SLC43A2: variants seen among roughly 807,000 people sequenced by gnomAD.
SLC43A2 encodes solute carrier family 43 member 2.
Under a neutral mutation model 63.2 loss-of-function variants are expected in SLC43A2, and 38 were observed. That is an observed-to-expected ratio of 0.60 (90% CI 0.46 to 0.79). The LOEUF (loss-of-function observed/expected upper bound fraction) is 0.79, where lower values mean the gene tolerates loss of function less well. Among genes scored for constraint, SLC43A2 ranks in the 30% least tolerant of loss-of-function variants. SLC43A2 has a pLI of 0.00. For synonymous variants in SLC43A2, 322 were observed against 331.0 expected (o/e 0.97, Z 0.30); for missense variants, 644 against 756.2 (o/e 0.85, Z 1.74).
chr17:1,611,091 C>A (rs1228386663), intron 5 of SLC43A2, among the ~76,000 whole-genome samples: 1 of 152,028 alleles, frequency 6.6e-6, no homozygotes, highest in Non-Finnish European at 1.5e-5. Flanking sequence ...TCCACCACCC[C>A]CATCGGCCTC....
intron 5 of SLC43A2, among the ~76,000 whole-genome samples, chr17:1,609,108 G>A (rs529583822): frequency 2.0e-4 from 30 of 152,274 alleles, no homozygotes; most frequent in Middle Eastern, 3.4e-3. Flanking sequence ...GTTTTTCATA[G>A]GATCAGAGTG....
At chr17:1,612,566 C>T (rs539690831) in intron 5 of SLC43A2, among the ~76,000 whole-genome samples, 75 of 152,322 alleles carry the variant, frequency 4.9e-4, no homozygotes, top group Middle Eastern at 3.4e-3. Flanking sequence ...TGACAGCTGC[C>T]GAGGAAAACA....
chr17:1,586,928 T>TTCCCCCCCCCC, intron 9 of SLC43A2: 3 of 1,232,916 alleles, frequency 2.4e-6, no homozygotes, highest in Non-Finnish European at 2.2e-6. Context: ...TCCCTGACAA[T>TTCCCCCCCCCC]CCCCCCCACC....
chr17:1,577,250 C>T lies in SLC43A2; in HGVS notation c.1425-530G>A, dbSNP rs759502922. On this transcript the variant is annotated intron_variant, in intron 12 of 13. Transcript: ENST00000301335. The surrounding 1 kb of genome is among the most constrained non-coding windows in gnomAD (Gnocchi z 4.9). ...AGGGCCCACCCCACTCAGCTGTGCC[C>T]AGGGCCTGTGGGTGTCTGGCTGAGC... Among the ~76,000 whole-genome samples, 1 of 152,224 alleles carries T rather than the reference C, an allele frequency of 6.6e-6. No homozygotes were observed. Among genetic ancestry groups the T allele is most frequent in the Non-Finnish European group, 1.5e-5 (1 of 68,048 alleles).
Position 1,578,277 on chromosome 17 carries a change from G to A in SLC43A2, c.1397C>T (p.Ser466Phe). Residue 466 changes from serine (S) to phenylalanine (F), a missense_variant, in exon 12 of 14, where the codon TCC becomes TTC. Ser to Phe is a radical substitution (Grantham distance 155). Transcript: ENST00000301335. This position sits in a 1 kb window ranked among gnomAD's most constrained non-coding sequence, Gnocchi z 6.5. ...LHTIVRGFIH[S>F]AVGGLYAAVY... ...GGCAGCGTACAGGCCCCCGACAGCGGAGTGGATGAATCCTCGCACGATTGT... is the reference window on the plus strand; with the variant it reads ...GGCAGCGTACAGGCCCCCGACAGCGAAGTGGATGAATCCTCGCACGATTGT... The A allele has an allele frequency of 6.2e-7, 1 of 1,614,016 alleles. No homozygotes were observed. The highest frequency in any genetic ancestry group is 8.5e-7 in the Non-Finnish European group (1 of 1,180,002).
At chr17:1,601,099 G>C (rs969190934) in intron 5 of SLC43A2, among the ~76,000 whole-genome samples, 1 of 129,198 alleles carries the variant, frequency 7.7e-6, no homozygotes, top group Non-Finnish European at 1.7e-5. Flanking sequence ...TTTGTTTTAA[G>C]TAAAATGTCA....
chr17:1,626,557 T>A (rs1281926320), intron 2 of SLC43A2, among the ~76,000 whole-genome samples: 1 of 152,170 alleles, frequency 6.6e-6, no homozygotes, highest in Non-Finnish European at 1.5e-5. Context: ...CCTCTCCAGC[T>A]AAGCCTCCCT....
intron 11 of SLC43A2, among the ~76,000 whole-genome samples, chr17:1,582,331 C>T (rs1420958851): frequency 6.6e-6 from 1 of 152,200 alleles, no homozygotes; most frequent in Non-Finnish European, 1.5e-5. Context: ...CCACCTGCCT[C>T]CACCTACCAA....
intron 11 of SLC43A2, among the ~76,000 whole-genome samples, chr17:1,580,614 T>A (rs1270272797): frequency 6.6e-6 from 1 of 152,094 alleles, no homozygotes; most frequent in Non-Finnish European, 1.5e-5. Flanking sequence ...CAGGCTGGAG[T>A]GCAGTGGTGT....
intron 5 of SLC43A2, among the ~76,000 whole-genome samples, chr17:1,607,879 C>T (rs1472051893): frequency 6.6e-6 from 1 of 152,140 alleles, no homozygotes; most frequent in Non-Finnish European, 1.5e-5. Flanking sequence ...CCACATCTGG[C>T]TAATTTTTGC....
chr17:1,591,828 C>T (rs1027619605), intron 6 of SLC43A2, 129 bp from the exon 7 acceptor site: 5 of 704,442 alleles, frequency 7.1e-6, no homozygotes, highest in Non-Finnish European at 1.2e-5. Flanking sequence ...CAAAGAGGCA[C>T]AGCCCTGCCA....
intron 2 of SLC43A2, among the ~76,000 whole-genome samples, chr17:1,623,106 C>T (rs1211652444): frequency 6.6e-6 from 1 of 152,164 alleles, no homozygotes; most frequent in Non-Finnish European, 1.5e-5. Flanking sequence ...AACTCCGTTC[C>T]CTCCTCCCCA....
chr17:1,612,233 G>A (rs888262286), intron 5 of SLC43A2, among the ~76,000 whole-genome samples: 3 of 152,262 alleles, frequency 2.0e-5, no homozygotes, highest in Admixed American at 6.5e-5. Context: ...CAAAGTGCTG[G>A]GATTTCAGGT....
chr17:1,590,870 C>A lies in SLC43A2; in HGVS notation c.1010G>T (p.Arg337Leu). 6.4e-7 allele frequency: 1 copy of A among 1,554,326 alleles called. No individual in the cohort carries two copies. The highest frequency in any genetic ancestry group is 2.4e-5 in the East Asian group (1 of 41,766). The stretch of plus-strand genomic sequence containing the variant: ...CATAGCCCCCATGTAGAAGATGAGC[C>A]GCAGCTGCGTGACGCACATGGTGAC... ...SLVTMCVTQL[R>L]LIFYMGAMNN... The change falls in exon 9 of 14, where the codon CGG becomes CTG. Residue 337 changes from arginine (R) to leucine (L), a missense_variant. By Grantham distance (102) the Arg-to-Leu change is moderately radical. Around this residue, in one of 3 missense-constraint regions of SLC43A2, gnomAD observed 528 missense variants for 623.6 expected, o/e 0.85. Transcript: ENST00000301335.
At position 1,574,407 on chromosome 17, in the gene SLC43A2, C is replaced by T. The variant is rs1456620753; in HGVS notation, c.*1197G>A. ...TATGCCAGAAGGGGCATCCCTTACC[C>T]GGAGGAAAATGGATTTATTGCTTTA... On this transcript the variant is annotated 3_prime_UTR_variant, in exon 14 of 14. Coordinates refer to ENST00000301335, the MANE Select transcript of SLC43A2 (RefSeq NM_152346.3). 2 of 152,568 alleles carry T rather than the reference C, an allele frequency of 1.3e-5. No homozygotes were observed. Among genetic ancestry groups the T allele is most frequent in the Admixed American group, 6.5e-5 (1 of 15,272 alleles). The allele number at this position is 152,568 out of a possible 1,614,324, so 9.5% of individuals were successfully genotyped here.
intron 9 of SLC43A2, chr17:1,586,928 T>TGGGGGGCCCCCCCCC: frequency 8.1e-7 from 1 of 1,232,916 alleles, no homozygotes; most frequent in Non-Finnish European, 1.1e-6. Context: ...TCCCTGACAA[T>TGGGGGGCCCCCCCCC]CCCCCCCACC....
chr17:1,601,364 C>T (rs1158050114), intron 5 of SLC43A2, among the ~76,000 whole-genome samples: 1 of 151,990 alleles, frequency 6.6e-6, no homozygotes, highest in Non-Finnish European at 1.5e-5. Context: ...CCAAATGTTC[C>T]CTGGATCCCG....
intron 5 of SLC43A2, among the ~76,000 whole-genome samples, chr17:1,610,297 C>T (rs1390342606): frequency 6.6e-6 from 1 of 151,680 alleles, no homozygotes; most frequent in Non-Finnish European, 1.5e-5. Context: ...AGGTCTCGCT[C>T]TGTCACACAG....
rs1598505464 is a variant in SLC43A2, at chr17:1,628,060, G to C, written c.-46-140C>G. The C allele has an allele frequency of 2.3e-5, 20 of 877,652 alleles. No individual in the cohort carries two copies. The East Asian group carries it at 7.5e-4, about 33-fold the overall frequency. 54.4% of individuals were successfully genotyped at this position (877,652 alleles called of 1,614,324 possible). A position where few individuals can be genotyped will look rare whatever the true frequency, so the allele number is the denominator to read the frequency against. On this transcript the variant is annotated intron_variant, in intron 1 of 13. Transcript: ENST00000301335. ...GGCCGGTGCGCGCAGCAGAGGAAGCGAACCCCAGCCCTGCCCGGACCTGGG... is the reference window on the plus strand; with the variant it reads ...GGCCGGTGCGCGCAGCAGAGGAAGCCAACCCCAGCCCTGCCCGGACCTGGG...
Sources: gnomAD v4.1 joint callset for allele counts (sites outside exome capture counted in the v4.1 genomes callset) on GRCh38, gnomAD v4.1.1 for gene constraint, gnomAD v4.1.1 regional missense constraint, Gnocchi (gnomAD v3.1) non-coding constraint, MANE v1.5 for transcripts, NCBI Gene and HGNC (gene_info 2026-07-23, HGNC 2026-07-21) for gene names.